CARD19: variants seen among roughly 807,000 people sequenced by gnomAD.
CARD19 encodes the protein caspase recruitment domain-containing protein 19.
In CARD19, 25 loss-of-function variants were observed where a neutral mutation model predicts 24.1. The observed-to-expected ratio is 1.04, with a 90% CI of 0.76 to 1.45. CARD19 has a LOEUF of 1.45. Ranked by LOEUF, CARD19 falls within the 40% of genes most tolerant of loss-of-function variation. The pLI is 0.00. For missense variants in CARD19, 241 were observed against 247.4 expected, an observed-to-expected ratio of 0.97 and a Z score of 0.17; for synonymous variants, 103 against 104.9, an observed-to-expected ratio of 0.98 and a Z score of 0.11.
chr9:93,111,589 G>C, intron 3 of CARD19: 7 of 1,271,004 alleles, frequency 5.5e-6, no homozygotes, highest in Middle Eastern at 3.1e-4. Context: ...CCCCAGCCAC[G>C]AGTATGCCAC....
intron 4 of CARD19, 117 bp from the exon 5 acceptor site, chr9:93,112,101 G>A (rs1827515658): frequency 7.5e-7 from 1 of 1,337,322 alleles, no homozygotes. Context: ...GCTCGTTTGG[G>A]GGCTCTTCAG....
In CARD19 at chr9:93,113,255, T is replaced by C. The variant is rs1827583482; in HGVS notation, c.*148T>C. ...AACACACCTTCACCTTACAAGGTGC[T>C]GACCATATTAAATGTTCAGGTTCTC... On this transcript the variant is annotated 3_prime_UTR_variant, in exon 6 of 6. Transcript: ENST00000375464. The C allele has an allele frequency of 3.6e-6, 2 of 555,128 alleles. No homozygotes were observed. The highest frequency in any genetic ancestry group is 4.9e-5 in the South Asian group (2 of 40,914). The allele number at this position is 555,128 out of a possible 1,614,324, so 34.4% of individuals were successfully genotyped here.
chr9:93,098,088 T>C (rs1407380175), intron 1 of CARD19, among the ~76,000 whole-genome samples: 2 of 152,236 alleles, frequency 1.3e-5, no homozygotes, highest in Admixed American at 1.3e-4. Flanking sequence ...TGAGGAGGTG[T>C]CTGCGTGGGG....
At chr9:93,106,434 A>G (rs1301052438) in intron 1 of CARD19, among the ~76,000 whole-genome samples, 2 of 150,308 alleles carry the variant, frequency 1.3e-5, no homozygotes, top group African/African-American at 2.5e-5. Flanking sequence ...AAAAAAATAC[A>G]AAAACCAGCT....
rs376622480 is a variant in CARD19 at position 93,113,020 on chromosome 9, C to T, written c.465C>T (p.Arg155=). The part of the protein sequence containing the change: ...PDPKGLPGTR[R]VLGFSPVIID... ...CCAAGGGCCTGCCAGGGACCCGGCG[C>T]GTCCTCGGTTTCTCGCCTGTCATCA... is the stretch of plus-strand genomic sequence containing the variant. Residue 155 remains arginine (R), a synonymous_variant, in exon 6 of 6, where the codon CGC becomes CGT. Transcript: ENST00000375464. 18 of 1,609,572 alleles carry T rather than the reference C, an allele frequency of 1.1e-5. No homozygotes were observed. Among genetic ancestry groups the T allele is most frequent in the South Asian group, 1.0e-4 (9 of 90,056 alleles).
chr9:93,097,595 G>C (rs1240641593), intron 1 of CARD19, among the ~76,000 whole-genome samples: 1 of 152,202 alleles, frequency 6.6e-6, no homozygotes, highest in African/African-American at 2.4e-5. Context: ...CCCTTAGTGA[G>C]TTCATCAGAA....
intron 2 of CARD19, chr9:93,110,027 T>G (rs915609685): frequency 2.5e-4 from 39 of 155,108 alleles, no homozygotes; most frequent in African/African-American, 9.2e-4. Flanking sequence ...GGAGTCTTGC[T>G]CTGTCGCCCA....
chr9:93,104,572 C>G (rs7868952), intron 1 of CARD19, among the ~76,000 whole-genome samples: 33,966 of 152,116 alleles, frequency 0.22, 6,937 homozygotes, highest in African/African-American at 0.54. Context: ...GTAGAATTAA[C>G]CAGCAAAGCT....
intron 2 of CARD19, chr9:93,110,349 A>T: frequency 1.4e-6 from 1 of 695,582 alleles, no homozygotes; most frequent in Non-Finnish European, 2.3e-6. Flanking sequence ...CTCCCACCCC[A>T]CAGGGAGTAT....
At chr9:93,098,518 G>A (rs1220248386) in intron 1 of CARD19, among the ~76,000 whole-genome samples, 1 of 152,210 alleles carries the variant, frequency 6.6e-6, no homozygotes, top group East Asian at 1.9e-4. Flanking sequence ...TGTAGGGCGT[G>A]GTGAAGGCTT....
At chr9:93,107,864 TC>T in intron 2 of CARD19, 48 bp downstream of exon 2, 1 of 1,611,354 alleles carries the variant, frequency 6.2e-7, no homozygotes, top group South Asian at 1.1e-5. Context: ...CAGTTTCCCT[TC>T]CTTTCTGGGC....
At chr9:93,104,278 CT>C (rs1394534995) in intron 1 of CARD19, among the ~76,000 whole-genome samples, 2 of 151,996 alleles carry the variant, frequency 1.3e-5, no homozygotes, top group Non-Finnish European at 2.9e-5. Flanking sequence ...TTCCATTTTT[CT>C]TTTTTCACAG....
At chr9:93,105,391 G>A (rs749522645) in intron 1 of CARD19, among the ~76,000 whole-genome samples, 10 of 152,000 alleles carry the variant, frequency 6.6e-5, no homozygotes, top group African/African-American at 7.3e-5. Flanking sequence ...AGGATTTCTC[G>A]TGCCTCAGCC....
chr9:93,111,096 C>T lies in CARD19; in HGVS notation c.304+375C>T, dbSNP rs567778662. The T allele has an allele frequency of 4.1e-5, 53 of 1,285,562 alleles. 1 individual carries two copies. In the Middle Eastern group the frequency reaches 6.4e-4, roughly 16 times the overall value. The allele number at this position is 1,285,562 out of a possible 1,614,324, so 79.6% of individuals were successfully genotyped here. On this transcript the variant is annotated intron_variant, in intron 3 of 5. Coordinates refer to ENST00000375464, the MANE Select transcript of CARD19 (RefSeq NM_032310.5). ...CAACCTTGTTCCCACAGCTGCATGG[C>T]GCTCCTAGGCGGTCCCAGCTGGAAT... is the stretch of plus-strand genomic sequence containing the variant.
chr9:93,105,348 T>C (rs939182697), intron 1 of CARD19, among the ~76,000 whole-genome samples: 5 of 152,174 alleles, frequency 3.3e-5, no homozygotes, highest in African/African-American at 1.2e-4. Context: ...TGGCACAAAT[T>C]CAGCTCACTA....
At position 93,096,237 on chromosome 9, in the gene CARD19, G is replaced by A; in HGVS notation, c.-109G>A. On this transcript the variant is annotated 5_prime_UTR_variant, in exon 1 of 6. Coordinates refer to ENST00000375464, the MANE Select transcript of CARD19 (RefSeq NM_032310.5). This position sits in a 1 kb window ranked among gnomAD's most constrained non-coding sequence, Gnocchi z 5.4. The stretch of plus-strand genomic sequence containing the variant: ...CTAGCCAAAAGGGGCGGGCGAGCAC[G>A]GCCCGCGGGCGGCGTTCGCTGGAGC... 2 of 1,144,806 alleles carry A rather than the reference G, an allele frequency of 1.7e-6. No individual in the cohort carries two copies. Among genetic ancestry groups the A allele is most frequent in the Non-Finnish European group, 1.1e-6 (1 of 912,206 alleles). 70.9% of individuals were successfully genotyped at this position (1,144,806 alleles called of 1,614,324 possible). A position where few individuals can be genotyped will look rare whatever the true frequency, so the allele number is the denominator to read the frequency against.
chr9:93,105,161 G>GGT lies in CARD19; in HGVS notation c.8-2497_8-2496dup, dbSNP rs150097957. Reference sequence around the variant, plus strand: ...TCCCTTAGGTTTTAGCGCGGTGTAAGGTGTGTGTGTGTGTGTGCACGCGCG... The same window carrying GGT: ...TCCCTTAGGTTTTAGCGCGGTGTAAGGTGTGTGTGTGTGTGTGTGCACGCGCG... On this transcript the variant is annotated intron_variant, in intron 1 of 5. Transcript: ENST00000375464. Among the ~76,000 whole-genome samples the GGT allele has an allele frequency of 2.3e-3, 334 of 146,326 alleles. 1 individual carries two copies. The highest frequency in any genetic ancestry group is 6.9e-3 in the Middle Eastern group (2 of 288).
intron 2 of CARD19, 115 bp downstream of exon 2, chr9:93,107,931 T>C: frequency 7.4e-7 from 1 of 1,343,188 alleles, no homozygotes. Flanking sequence ...ACACACTAGG[T>C]ATGTCAGGAT....
At position 93,113,058 on chromosome 9, in the gene CARD19, T is replaced by G; in HGVS notation, c.503T>G (p.Val168Gly). 6.2e-7 allele frequency: 1 copy of G among 1,604,524 alleles called. No homozygotes were observed. Among genetic ancestry groups the G allele is most frequent in the Non-Finnish European group, 8.5e-7 (1 of 1,175,134 alleles). Residue 168 changes from valine to glycine, a missense_variant, in exon 6 of 6, where the codon GTC becomes GGC. Physicochemically the swap from Val to Gly is moderately radical, Grantham distance 109. Coordinates refer to ENST00000375464, the MANE Select transcript of CARD19 (RefSeq NM_032310.5). ...GFSPVIIDRH[V>G]SRYLLAFLAD... ...TCGCCTGTCATCATCGACAGACATG[T>G]CAGCCGCTACCTGCTGGCCTTCCTG...
Sources: allele counts gnomAD v4.1 joint callset (sites outside exome capture counted in the v4.1 genomes callset), GRCh38; gene constraint gnomAD v4.1.1; non-coding constraint Gnocchi (gnomAD v3.1); transcripts MANE v1.5; gene names NCBI Gene and HGNC (gene_info 2026-07-23, HGNC 2026-07-21).